Variants in TBCEL observed in about 807,000 individuals in gnomAD.
The protein encoded by TBCEL is tubulin folding cofactor E like, also known as tubulin-specific chaperone cofactor E-like protein.
In TBCEL, 15 loss-of-function variants were observed where a neutral mutation model predicts 44.2. That is an observed-to-expected ratio of 0.34 (90% CI 0.23 to 0.52). The LOEUF is 0.52. Ranked by LOEUF, TBCEL falls within the 20% of genes least tolerant of loss-of-function variation. TBCEL has a pLI of 0.95. For synonymous variants in TBCEL, 171 were observed against 185.4 expected (o/e 0.92, Z 0.63); for missense variants, 319 against 506.3 (o/e 0.63, Z 3.55).
intron 1 of TBCEL, among the ~76,000 whole-genome samples, chr11:121,024,497 C>T (rs1251947532): frequency 6.9e-6 from 1 of 144,510 alleles, no homozygotes; most frequent in Non-Finnish European, 1.5e-5. Flanking sequence ...CCTGCCTGGC[C>T]TGGGCTATGG....
At chr11:121,057,408 A>G (rs539037003) in intron 6 of TBCEL, 3 of 312,064 alleles carry the variant, frequency 9.6e-6, no homozygotes, top group African/African-American at 2.2e-5. Flanking sequence ...TCTCATAGCT[A>G]TAAGAAGAGT....
At chr11:121,024,761 G>T (rs1416175999) in intron 1 of TBCEL, among the ~76,000 whole-genome samples, 1 of 152,202 alleles carries the variant, frequency 6.6e-6, no homozygotes, top group Non-Finnish European at 1.5e-5. Context: ...CCCCAGGGAG[G>T]TTTGCTGGGG....
chr11:121,026,108 T>G (rs1422081068), intron 1 of TBCEL, among the ~76,000 whole-genome samples: 2 of 152,324 alleles, frequency 1.3e-5, no homozygotes, highest in East Asian at 3.9e-4. Context: ...TACTTTTTGC[T>G]ACATGATGAA....
chr11:121,024,140 A>T lies in TBCEL; in HGVS notation c.-277A>T, dbSNP rs1355165664. The T allele has an allele frequency of 1.3e-5, 2 of 153,096 alleles. No individual in the cohort carries two copies. Among genetic ancestry groups the T allele is most frequent in the African/African-American group, 2.4e-5 (1 of 41,480 alleles). The allele number at this position is 153,096 out of a possible 1,614,324, so 9.5% of individuals were successfully genotyped here. A position where few individuals can be genotyped will look rare whatever the true frequency, so the allele number is the denominator to read the frequency against. On this transcript the variant is annotated 5_prime_UTR_variant, in exon 1 of 9. Transcript: ENST00000683345. ...TGCAGGACACTGGGCTCCGGCGGCCAGAGTGGGGGACTAGGTGAAGCGGCG... is the reference window on the plus strand; with the variant it reads ...TGCAGGACACTGGGCTCCGGCGGCCTGAGTGGGGGACTAGGTGAAGCGGCG...
chr11:121,071,210 C>T (rs1442623415), intron 8 of TBCEL, among the ~76,000 whole-genome samples: 1 of 152,158 alleles, frequency 6.6e-6, no homozygotes, highest in African/African-American at 2.4e-5. Flanking sequence ...TACTTTCTCT[C>T]TCCATTTCCT....
intron 1 of TBCEL, among the ~76,000 whole-genome samples, chr11:121,024,931 G>T (rs1945019678): frequency 6.6e-6 from 1 of 152,192 alleles, no homozygotes; most frequent in African/African-American, 2.4e-5. Flanking sequence ...ACAGGCGGGT[G>T]CCTTGTCGTG....
At chr11:121,048,572 C>T (rs1945474244) in intron 4 of TBCEL, among the ~76,000 whole-genome samples, 1 of 151,836 alleles carries the variant, frequency 6.6e-6, no homozygotes. Context: ...AATGGGTTTT[C>T]CTGGATCCAG....
chr11:121,063,741 C>T (rs1189218605), intron 8 of TBCEL, among the ~76,000 whole-genome samples: 1 of 152,140 alleles, frequency 6.6e-6, no homozygotes, highest in Non-Finnish European at 1.5e-5. Context: ...TCTTCGCTTG[C>T]ACCTAACTTT....
intron 2 of TBCEL, among the ~76,000 whole-genome samples, chr11:121,041,964 T>C (rs1309951065): frequency 6.6e-6 from 1 of 152,034 alleles, no homozygotes; most frequent in Non-Finnish European, 1.5e-5. Flanking sequence ...GAAGAGTTCT[T>C]ACAGTATGGG....
chr11:121,060,385 T>C (rs1411968165), intron 8 of TBCEL, among the ~76,000 whole-genome samples: 1 of 151,940 alleles, frequency 6.6e-6, no homozygotes, highest in Non-Finnish European at 1.5e-5. Flanking sequence ...ATCTTTTTCT[T>C]TGGGGTACAT....
chr11:121,047,814 CT>C, intron 4 of TBCEL, 147 bp downstream of exon 4: 1 of 1,004,030 alleles, frequency 1.0e-6, no homozygotes, highest in Non-Finnish European at 1.4e-6. Context: ...GTCTGTATGT[CT>C]TTATATCAAG....
At chr11:121,080,055 A>G (rs1946098387) in intron 8 of TBCEL, among the ~76,000 whole-genome samples, 1 of 152,086 alleles carries the variant, frequency 6.6e-6, no homozygotes, top group Non-Finnish European at 1.5e-5. Context: ...GACCTCAGGC[A>G]GTCCACCCAC....
intron 8 of TBCEL, among the ~76,000 whole-genome samples, chr11:121,068,774 C>G (rs528031305): frequency 1.3e-5 from 2 of 151,930 alleles, no homozygotes; most frequent in South Asian, 4.2e-4. Flanking sequence ...GTAATCCCAG[C>G]TACTCTGGAG....
chr11:121,032,865 A>G (rs1019905614), intron 1 of TBCEL, among the ~76,000 whole-genome samples: 3 of 152,218 alleles, frequency 2.0e-5, no homozygotes, highest in African/African-American at 7.2e-5. Flanking sequence ...TTATCTGCAA[A>G]TGACCACAAA....
At chr11:121,037,278 G>A (rs968980535) in intron 2 of TBCEL, among the ~76,000 whole-genome samples, 1 of 152,200 alleles carries the variant, frequency 6.6e-6, no homozygotes, top group African/African-American at 2.4e-5. Flanking sequence ...AATGCTAAGA[G>A]TTAAGTTAGT....
intron 2 of TBCEL, among the ~76,000 whole-genome samples, chr11:121,044,373 C>G (rs184940520): frequency 6.6e-6 from 1 of 152,064 alleles, no homozygotes; most frequent in Non-Finnish European, 1.5e-5. Flanking sequence ...ATGTGGTATA[C>G]AAGATCTCCT....
intron 2 of TBCEL, among the ~76,000 whole-genome samples, chr11:121,036,854 A>C (rs1287066412): frequency 6.6e-6 from 1 of 152,250 alleles, no homozygotes; most frequent in Non-Finnish European, 1.5e-5. Context: ...TTAGTAGAAA[A>C]TATAGACAGC....
chr11:121,049,799 G>A (rs980952912), intron 4 of TBCEL, among the ~76,000 whole-genome samples: 2 of 151,776 alleles, frequency 1.3e-5, no homozygotes, highest in African/African-American at 4.8e-5. Context: ...GGAGGAAGAT[G>A]TGTGTAATAT....
intron 8 of TBCEL, among the ~76,000 whole-genome samples, chr11:121,078,758 C>G (rs994880562): frequency 6.6e-6 from 1 of 152,158 alleles, no homozygotes; most frequent in Non-Finnish European, 1.5e-5. Flanking sequence ...TTCTGCTGCT[C>G]TAGATTTCTA....
Sources: allele counts gnomAD v4.1 joint callset (sites outside exome capture counted in the v4.1 genomes callset), GRCh38; gene constraint gnomAD v4.1.1; transcripts MANE v1.5; gene names NCBI Gene and HGNC (gene_info 2026-07-23, HGNC 2026-07-21).